Variants in GRM5 observed in about 807,000 individuals in gnomAD.
GRM5 encodes the protein glutamate metabotropic receptor 5.
In GRM5, 19 loss-of-function variants were observed where a neutral mutation model predicts 83.1. That is an observed-to-expected ratio of 0.23 (90% CI 0.16 to 0.34). The LOEUF is 0.34. Ranked by LOEUF, GRM5 falls within the 10% of genes least tolerant of loss-of-function variation. The pLI is 1.00. For synonymous variants in GRM5, 675 were observed against 633.6 expected (o/e 1.07, Z -0.98); for missense variants, 1,160 against 1,588.3 (o/e 0.73, Z 4.58).
chr11:88,850,992 A>C (rs316086), intron 2 of GRM5, among the ~76,000 whole-genome samples: 115,658 of 151,890 alleles, frequency 0.76, 44,823 homozygotes, highest in East Asian at 0.99. Context: ...GGCTCCATTC[A>C]ATACATAGAT....
chr11:88,634,248 C>A (rs1186918388), intron 4 of GRM5, among the ~76,000 whole-genome samples: 1 of 152,108 alleles, frequency 6.6e-6, no homozygotes, highest in African/African-American at 2.4e-5. Context: ...ACTTTATAAA[C>A]AATACACCCT....
At chr11:88,724,775 G>T (rs1345826352) in intron 3 of GRM5, among the ~76,000 whole-genome samples, 2 of 151,974 alleles carry the variant, frequency 1.3e-5, no homozygotes, top group Non-Finnish European at 2.9e-5. Flanking sequence ...AGCAGGGTGG[G>T]GCATCACTTC....
chr11:88,920,358 T>G (rs1945667391), intron 2 of GRM5, among the ~76,000 whole-genome samples: 1 of 133,440 alleles, frequency 7.5e-6, no homozygotes, highest in Non-Finnish European at 1.6e-5. Flanking sequence ...ATCTAAAACC[T>G]AAATAGACCA....
intron 3 of GRM5, among the ~76,000 whole-genome samples, chr11:88,768,106 G>A (rs117833123): frequency 1.3e-3 from 193 of 151,896 alleles, no homozygotes; most frequent in East Asian, 7.6e-3. Flanking sequence ...TACCCAAAAC[G>A]TTGAAAACAA....
At chr11:89,005,712 C>T (rs1940504659) in intron 2 of GRM5, among the ~76,000 whole-genome samples, 1 of 152,002 alleles carries the variant, frequency 6.6e-6, no homozygotes, top group Admixed American at 6.6e-5. Flanking sequence ...TAAGGTATTA[C>T]CAGTAATGTA....
rs115199822 is a variant in GRM5, at chr11:88,767,623, A to T, written c.911+82283T>A. 3.0e-3 allele frequency among the ~76,000 whole-genome samples: 449 copies of T among 152,162 alleles called. 1 individual carries two copies. Among genetic ancestry groups the T allele is most frequent in the African/African-American group, 0.01 (422 of 41,560 alleles). On this transcript the variant is annotated intron_variant, in intron 3 of 9. Transcript: ENST00000305447. ...CTCACTTGCAAGTGTGAGCTAAACA[A>T]CAAGAACACATGGATACTAGGAGGC...
chr11:89,063,987 C>T (rs1942051244), intron 1 of GRM5, among the ~76,000 whole-genome samples: 1 of 152,180 alleles, frequency 6.6e-6, no homozygotes, highest in Admixed American at 6.5e-5. Flanking sequence ...TGAGAAAGGG[C>T]ACCTGTGCCT....
chr11:88,988,211 A>C (rs1939806782), intron 2 of GRM5, among the ~76,000 whole-genome samples: 1 of 152,180 alleles, frequency 6.6e-6, no homozygotes, highest in Non-Finnish European at 1.5e-5. Context: ...TACGCGAAGA[A>C]TGCAGAAGCC....
At chr11:88,798,052 T>C (rs934313452) in intron 3 of GRM5, among the ~76,000 whole-genome samples, 12 of 152,150 alleles carry the variant, frequency 7.9e-5, no homozygotes, top group Non-Finnish European at 1.5e-5. Context: ...AATCTCATGC[T>C]CTCCTGTCTG....
chr11:88,649,223 T>C (rs971687982), intron 4 of GRM5, among the ~76,000 whole-genome samples: 1 of 139,300 alleles, frequency 7.2e-6, no homozygotes, highest in African/African-American at 2.7e-5. Context: ...TACACATATA[T>C]GTATATATAG....
At chr11:88,921,206 A>C (rs1475342772) in intron 2 of GRM5, among the ~76,000 whole-genome samples, 1 of 152,322 alleles carries the variant, frequency 6.6e-6, no homozygotes, top group South Asian at 2.1e-4. Flanking sequence ...TTCAACATAC[A>C]CAAATCAATC....
chr11:88,984,641 T>C, intron 2 of GRM5: 3 of 443,858 alleles, frequency 6.8e-6, no homozygotes, highest in Non-Finnish European at 1.2e-5. Flanking sequence ...AAAATTAGAA[T>C]AAATGATATT....
At chr11:88,568,140 C>A in intron 7 of GRM5, 148 bp from the exon 8 acceptor site, 1 of 601,862 alleles carries the variant, frequency 1.7e-6, no homozygotes. Flanking sequence ...CTTATTGTTT[C>A]ATGTATTCAT....
At chr11:88,883,361 C>T (rs1650812182) in intron 2 of GRM5, among the ~76,000 whole-genome samples, 1 of 152,136 alleles carries the variant, frequency 6.6e-6, no homozygotes, top group African/African-American at 2.4e-5. Flanking sequence ...AGATGAGGAA[C>T]TTGTTGGGAA....
chr11:89,039,276 A>AT (rs968095297), intron 2 of GRM5, among the ~76,000 whole-genome samples: 7 of 149,816 alleles, frequency 4.7e-5, no homozygotes, highest in African/African-American at 7.3e-5. Flanking sequence ...AAATAAAAAA[A>AT]AAATATATAT....
At chr11:88,663,080 C>A (rs990720805) in intron 3 of GRM5, among the ~76,000 whole-genome samples, 2 of 152,082 alleles carry the variant, frequency 1.3e-5, no homozygotes, top group African/African-American at 2.4e-5. Context: ...ACTCACTTCC[C>A]AACTCTATTC....
At chr11:88,861,045 T>C (rs1442797123) in intron 2 of GRM5, among the ~76,000 whole-genome samples, 1 of 152,198 alleles carries the variant, frequency 6.6e-6, no homozygotes, top group Non-Finnish European at 1.5e-5. Context: ...ATATATTGGG[T>C]TAAATAAAAT....
chr11:89,028,739 ATTGG>A (rs1332372229), intron 2 of GRM5, among the ~76,000 whole-genome samples: 1 of 152,224 alleles, frequency 6.6e-6, no homozygotes, highest in Non-Finnish European at 1.5e-5. Flanking sequence ...CTCTAAAAGA[ATTGG>A]TTGATTTCAT....
intron 2 of GRM5, among the ~76,000 whole-genome samples, chr11:88,862,938 A>G (rs1590921069): frequency 6.6e-6 from 1 of 152,240 alleles, no homozygotes; most frequent in Non-Finnish European, 1.5e-5. Flanking sequence ...AACCCTATTA[A>G]AAAGTGGGCA....
Sources: allele counts gnomAD v4.1 joint callset (sites outside exome capture counted in the v4.1 genomes callset), GRCh38; gene constraint gnomAD v4.1.1; transcripts MANE v1.5; gene names NCBI Gene and HGNC (gene_info 2026-07-23, HGNC 2026-07-21).